ZNF148: variants seen among roughly 807,000 people sequenced by gnomAD.
The protein encoded by ZNF148 is zinc finger protein 148, also known as Beta-Enolase Repressor Factor-1.
In ZNF148, 7 loss-of-function variants were observed where a neutral mutation model predicts 67.7. The ratio of observed to expected loss-of-function variants is 0.10; its 90% CI spans 0.06 to 0.19. ZNF148 has a LOEUF of 0.19. Among genes scored for constraint, ZNF148 ranks in the 10% least tolerant of loss-of-function variants. ZNF148 has a pLI of 1.00. For missense variants in ZNF148, 583 were observed against 947.1 expected (o/e 0.62, Z 5.05); for synonymous variants, 333 against 330.7 (o/e 1.01, Z -0.08).
chr3:125,367,258 C>G (rs560638573), intron 1 of ZNF148, among the ~76,000 whole-genome samples: 1 of 152,308 alleles, frequency 6.6e-6, no homozygotes, highest in African/African-American at 2.4e-5. Context: ...ACAGCCGTCT[C>G]AAATAATCCT....
chr3:125,299,125 A>G (rs1939449554), intron 4 of ZNF148, among the ~76,000 whole-genome samples: 1 of 152,214 alleles, frequency 6.6e-6, no homozygotes, highest in Non-Finnish European at 1.5e-5. Flanking sequence ...TAATATTTAC[A>G]ATGACTATGT....
At chr3:125,359,974 G>C (rs1942486632) in intron 1 of ZNF148, among the ~76,000 whole-genome samples, 1 of 152,162 alleles carries the variant, frequency 6.6e-6, no homozygotes, top group Non-Finnish European at 1.5e-5. Flanking sequence ...AACTGGGCCT[G>C]GGCTGCAAAA....
At chr3:125,296,259 C>A (rs1939279453) in intron 4 of ZNF148, among the ~76,000 whole-genome samples, 1 of 151,942 alleles carries the variant, frequency 6.6e-6, no homozygotes, top group African/African-American at 2.4e-5. Flanking sequence ...GTAGCTGGGA[C>A]TACAGACATG....
chr3:125,282,434 C>A (rs1410036129), intron 5 of ZNF148, among the ~76,000 whole-genome samples: 1 of 152,114 alleles, frequency 6.6e-6, no homozygotes, highest in East Asian at 1.9e-4. Context: ...GCCTGCTAGA[C>A]ATCTTCAGAT....
rs75650592 is a variant in ZNF148, at chr3:125,360,170, T to C, written c.-234+14932A>G. Reference sequence around the variant, plus strand: ...TATGCCTACAACTTCAACTTCCTCATTCATTTCCAGTCCATCTATTTACCA... The same window carrying C: ...TATGCCTACAACTTCAACTTCCTCACTCATTTCCAGTCCATCTATTTACCA... On this transcript the variant is annotated intron_variant, in intron 1 of 8. Coordinates refer to ENST00000360647, the MANE Select transcript of ZNF148 (RefSeq NM_021964.3). Among the ~76,000 whole-genome samples, 1,308 of 152,326 alleles carry C rather than the reference T, an allele frequency of 8.6e-3. 19 individuals carry two copies. Among genetic ancestry groups the C allele is most frequent in the African/African-American group, 0.03 (1,231 of 41,580 alleles).
rs200235631 is a variant in ZNF148 at position 125,233,827 on chromosome 3, T to C, written c.899A>G (p.Asp300Gly). ...TTTTGGTGATGTAGAAAAGCCAGAA[T>C]CTTCCTCAGATGTCAGAAGGCCACC... ...IKGGLLTSEEDSGFSTSPKDN... is the reference protein window; with the variant it reads ...IKGGLLTSEEGSGFSTSPKDN... Residue 300 changes from aspartate to glycine, a missense_variant, in exon 9 of 9, where the codon GAT becomes GGT. By Grantham distance (94) the Asp-to-Gly change is moderately conservative. Transcript: ENST00000360647. The surrounding 1 kb of genome is among the most constrained non-coding windows in gnomAD (Gnocchi z 5.1). The C allele has an allele frequency of 6.2e-7, 1 of 1,613,652 alleles. No individual in the cohort carries two copies. The highest frequency in any genetic ancestry group is 8.5e-7 in the Non-Finnish European group (1 of 1,179,864).
At chr3:125,301,186 C>T (rs1004659473) in intron 4 of ZNF148, among the ~76,000 whole-genome samples, 4 of 152,010 alleles carry the variant, frequency 2.6e-5, no homozygotes, top group Non-Finnish European at 5.9e-5. Flanking sequence ...TATTAAAAAA[C>T]AAAGTTCTAA....
chr3:125,371,355 T>C (rs1204644275), intron 1 of ZNF148, among the ~76,000 whole-genome samples: 1 of 49,738 alleles, frequency 2.0e-5, no homozygotes, highest in African/African-American at 1.0e-4. Flanking sequence ...AGACCCTGTT[T>C]CAAAAAAAAA....
chr3:125,309,692 G>A (rs1940092250), intron 4 of ZNF148, among the ~76,000 whole-genome samples: 1 of 152,200 alleles, frequency 6.6e-6, no homozygotes, highest in South Asian at 2.1e-4. Flanking sequence ...AACCACTGGG[G>A]AAGTTTCAGT....
intron 7 of ZNF148, among the ~76,000 whole-genome samples, chr3:125,241,007 CAT>C (rs146055487): frequency 0.12 from 18,094 of 151,640 alleles, 1,257 homozygotes; most frequent in Admixed American, 0.17. Context: ...TCCTTTAGTA[CAT>C]ATTTCCTTCC....
chr3:125,300,265 C>A (rs1158113427), intron 4 of ZNF148, among the ~76,000 whole-genome samples: 1 of 152,194 alleles, frequency 6.6e-6, no homozygotes, highest in Non-Finnish European at 1.5e-5. Flanking sequence ...AGCCACCATG[C>A]CTGGCCTGAA....
chr3:125,365,270 A>T (rs1942666533), intron 1 of ZNF148, among the ~76,000 whole-genome samples: 1 of 152,154 alleles, frequency 6.6e-6, no homozygotes. Context: ...AAATATAAAA[A>T]TATACCCTGA....
At chr3:125,318,758 C>T (rs1334584266) in intron 3 of ZNF148, among the ~76,000 whole-genome samples, 1 of 152,070 alleles carries the variant, frequency 6.6e-6, no homozygotes, top group Non-Finnish European at 1.5e-5. Context: ...TGCAAGTTAC[C>T]CAGAGCAGAG....
chr3:125,341,994 C>CG (rs11434686), intron 1 of ZNF148, among the ~76,000 whole-genome samples: 107,899 of 137,010 alleles, frequency 0.79, 42,038 homozygotes, highest in African/African-American at 0.87. Context: ...CACTCTGTTT[C>CG]GGGGCGGGGG....
rs1560143423 is a variant in ZNF148, at chr3:125,288,234, TA to T, written c.334-7del. The T allele has an allele frequency of 1.3e-6, 2 of 1,596,998 alleles. No individual in the cohort carries two copies. Among genetic ancestry groups the T allele is most frequent in the Middle Eastern group, 1.7e-4 (1 of 5,954 alleles). On this transcript the variant is annotated splice_polypyrimidine_tract_variant and splice_region_variant and intron_variant, in intron 4 of 8. Transcript: ENST00000360647. Reference sequence around the variant, plus strand: ...ATTTCCTGCTTTACGCTTATCTGTTTAAAAAAAGAAAAGCCAATTTTAGACA... The same window carrying T: ...ATTTCCTGCTTTACGCTTATCTGTTTAAAAAAGAAAAGCCAATTTTAGACA...
At chr3:125,361,529 G>A (rs1942541169) in intron 1 of ZNF148, among the ~76,000 whole-genome samples, 1 of 152,040 alleles carries the variant, frequency 6.6e-6, no homozygotes, top group East Asian at 1.9e-4. Flanking sequence ...ACAAAACAGA[G>A]CCATCAACTG....
chr3:125,241,938 T>A (rs2107529043), intron 7 of ZNF148, among the ~76,000 whole-genome samples: 1 of 152,344 alleles, frequency 6.6e-6, no homozygotes, highest in South Asian at 2.1e-4. Flanking sequence ...TGACTACATA[T>A]CTAATAGGTG....
chr3:125,343,871 G>C (rs1041691328), intron 1 of ZNF148, among the ~76,000 whole-genome samples: 2 of 152,070 alleles, frequency 1.3e-5, no homozygotes, highest in Non-Finnish European at 2.9e-5. Context: ...CGAACCCACC[G>C]ACAGGAACCA....
At chr3:125,237,527 A>G (rs1936146695) in intron 7 of ZNF148, among the ~76,000 whole-genome samples, 1 of 152,136 alleles carries the variant, frequency 6.6e-6, no homozygotes, top group Admixed American at 6.5e-5. Flanking sequence ...GGTTGTAGAG[A>G]GCCAAGATCG....
Sources: gnomAD v4.1 joint callset for allele counts (sites outside exome capture counted in the v4.1 genomes callset) on GRCh38, gnomAD v4.1.1 for gene constraint, Gnocchi (gnomAD v3.1) non-coding constraint, MANE v1.5 for transcripts, NCBI Gene and HGNC (gene_info 2026-07-23, HGNC 2026-07-21) for gene names.